The following ERBB4 variants were observed in gnomAD, a reference collection of about 807,000 sequenced individuals.
The protein encoded by ERBB4 is erb-b2 receptor tyrosine kinase 4.
ERBB4 carries 42 observed loss-of-function variants against 158.0 expected under a neutral mutation model. The ratio of observed to expected loss-of-function variants is 0.27; its 90% confidence interval spans 0.21 to 0.34. ERBB4 has a LOEUF of 0.34. ERBB4 is among the 10% of genes least tolerant of loss of function. The probability of loss-of-function intolerance (pLI) is 1.00; values close to 1 mark genes in which losing one functional copy is unlikely to be tolerated. For missense variants in ERBB4, 1,333 were observed against 1,624.1 expected (o/e 0.82, Z 3.08); for synonymous variants, 583 against 558.7 (o/e 1.04, Z -0.61).
intron 4 of ERBB4, chr2:211,779,477 A>G (rs1036491242): frequency 6.6e-6 from 1 of 152,138 alleles, no homozygotes; most frequent in African/African-American, 2.4e-5. Flanking sequence ...CTTCACCATT[A>G]TATTCATAGG....
intron 1 of ERBB4, among the ~76,000 whole-genome samples, chr2:212,341,567 T>C (rs1248184545): frequency 6.6e-6 from 1 of 151,894 alleles, no homozygotes; most frequent in Non-Finnish European, 1.5e-5. Context: ...TTCAATAATA[T>C]GAGGGATAGA....
At chr2:212,217,414 C>A (rs2083135758) in intron 1 of ERBB4, among the ~76,000 whole-genome samples, 1 of 150,914 alleles carries the variant, frequency 6.6e-6, no homozygotes, top group African/African-American at 2.4e-5. Context: ...TTGAGCAAGG[C>A]ATTTTATATT....
chr2:212,167,758 C>A (rs996719050), intron 1 of ERBB4, among the ~76,000 whole-genome samples: 1 of 151,984 alleles, frequency 6.6e-6, no homozygotes, highest in Non-Finnish European at 1.5e-5. Context: ...TACTATGCAG[C>A]CATAAAAAAG....
At position 211,407,672 on chromosome 2, in the gene ERBB4, G is replaced by A. The variant is rs555068260; in HGVS notation, c.3135+12769C>T. On this transcript the variant is annotated intron_variant, in intron 25 of 27. Coordinates refer to ENST00000342788, the MANE Select transcript of ERBB4 (RefSeq NM_005235.3). ...AATTCAGCTTTTGCTCAAGTGTAAT[G>A]AGAGGCTGGTCCACAGCCATTCATT... Among the ~76,000 whole-genome samples the A allele has an allele frequency of 3.3e-5, 5 of 152,298 alleles. No individual in the cohort carries two copies. In the South Asian group the frequency reaches 1.0e-3, roughly 32 times the overall value.
intron 2 of ERBB4, among the ~76,000 whole-genome samples, chr2:212,023,501 T>C (rs2076702764): frequency 1.2e-5 from 1 of 81,992 alleles, no homozygotes; most frequent in Non-Finnish European, 2.9e-5. Context: ...AATAAAAGCG[T>C]TTATACAAGT....
intron 1 of ERBB4, among the ~76,000 whole-genome samples, chr2:212,448,966 C>CA (rs2092405811): frequency 6.6e-6 from 1 of 152,096 alleles, no homozygotes; most frequent in South Asian, 2.1e-4. Context: ...TTCATTGCCT[C>CA]AAACTTTTCT....
intron 2 of ERBB4, among the ~76,000 whole-genome samples, chr2:212,001,313 A>T (rs915963474): frequency 2.0e-5 from 3 of 152,072 alleles, no homozygotes; most frequent in Non-Finnish European, 4.4e-5. Context: ...AAGTTTAGCT[A>T]TGTAGTTTTA....
At chr2:212,146,490 T>C (rs1156432894) in intron 1 of ERBB4, among the ~76,000 whole-genome samples, 8 of 152,290 alleles carry the variant, frequency 5.3e-5, no homozygotes, top group Non-Finnish European at 7.4e-5. Flanking sequence ...TTGTGCACTA[T>C]TTCTTCTCCT....
At chr2:211,578,684 AC>A (rs1484635268) in intron 19 of ERBB4, among the ~76,000 whole-genome samples, 1 of 152,194 alleles carries the variant, frequency 6.6e-6, no homozygotes, top group African/African-American at 2.4e-5. Context: ...TAAACAGCTG[AC>A]AACAAGAAGC....
At position 211,911,821 on chromosome 2, in the gene ERBB4, C is replaced by CTT. The variant is rs201039133; in HGVS notation, c.421+35607_421+35608dup. On this transcript the variant is annotated intron_variant, in intron 3 of 27. Transcript: ENST00000342788. The stretch of plus-strand genomic sequence containing the variant: ...TAGACAGGAGAGGTTTTATTCTTTT[C>CTT]TTTTTTTTTTTTTTGAGTTCTGTTG... Among the ~76,000 whole-genome samples, 414 of 137,300 alleles carry CTT rather than the reference C, an allele frequency of 3.0e-3. 2 individuals are homozygous for CTT. Among genetic ancestry groups the CTT allele is most frequent in the African/African-American group, 9.7e-3 (368 of 38,106 alleles). The allele number at this position is 137,300 out of a possible 152,430, so 90.1% of individuals were successfully genotyped here. A position where few individuals can be genotyped will look rare whatever the true frequency, so the allele number is the denominator to read the frequency against.
intron 11 of ERBB4, among the ~76,000 whole-genome samples, chr2:211,702,514 A>G (rs2073290911): frequency 6.6e-6 from 1 of 152,200 alleles, no homozygotes; most frequent in Non-Finnish European, 1.5e-5. Flanking sequence ...AAGTGTTTAT[A>G]AAACAATTGT....
At chr2:212,520,566 T>C (rs113139165) in intron 1 of ERBB4, among the ~76,000 whole-genome samples, 1,746 of 152,064 alleles carry the variant, frequency 0.011, 14 homozygotes, top group Middle Eastern at 0.034. Context: ...GATAATGACA[T>C]GTGGTGGAGC....
chr2:211,626,955 A>AT (rs1325242351), intron 17 of ERBB4, among the ~76,000 whole-genome samples: 61 of 33,526 alleles, frequency 1.8e-3, no homozygotes, highest in African/African-American at 4.2e-3. Flanking sequence ...AATAAAAAAA[A>AT]TAAAAAAAAA....
At chr2:211,766,119 T>C (rs939559350) in intron 4 of ERBB4, among the ~76,000 whole-genome samples, 1 of 152,248 alleles carries the variant, frequency 6.6e-6, no homozygotes, top group East Asian at 1.9e-4. Context: ...TGTCACTGCA[T>C]AATTTTCTCT....
At chr2:212,468,603 G>C (rs536899951) in intron 1 of ERBB4, among the ~76,000 whole-genome samples, 5 of 152,198 alleles carry the variant, frequency 3.3e-5, no homozygotes, top group Admixed American at 6.5e-5. Context: ...TTTGTAAATT[G>C]TCCCGTCTCA....
intron 20 of ERBB4, among the ~76,000 whole-genome samples, chr2:211,547,778 G>A (rs1351578368): frequency 4.6e-5 from 7 of 151,840 alleles, no homozygotes; most frequent in East Asian, 3.9e-4. Flanking sequence ...AAAAAGTACC[G>A]TAAAAGTACT....
chr2:211,507,373 A>C (rs1175708768), intron 20 of ERBB4, among the ~76,000 whole-genome samples: 2 of 152,004 alleles, frequency 1.3e-5, no homozygotes, highest in African/African-American at 4.8e-5. Context: ...AACAAATAAA[A>C]CCCTGAAACC....
rs559490429 is a variant in ERBB4, at chr2:211,633,373, T to C, written c.1947-2779A>G. Among the ~76,000 whole-genome samples, 60 of 151,992 alleles carry C rather than the reference T, an allele frequency of 3.9e-4. 2 individuals are homozygous for C. In the South Asian group the frequency reaches 5.8e-3, roughly 15 times the overall value. On this transcript the variant is annotated intron_variant, in intron 16 of 27. Coordinates refer to ENST00000342788, the MANE Select transcript of ERBB4 (RefSeq NM_005235.3). Reference sequence around the variant, plus strand: ...ACATATTCATATATGTCTACAAATATATCCTCAGATGCATAGATCTGGAAT... The same window carrying C: ...ACATATTCATATATGTCTACAAATACATCCTCAGATGCATAGATCTGGAAT...
At chr2:211,925,122 G>C (rs922556570) in intron 3 of ERBB4, among the ~76,000 whole-genome samples, 3 of 152,112 alleles carry the variant, frequency 2.0e-5, no homozygotes. Context: ...ACTATAGTTG[G>C]AGACAATTTG....
Sources: allele counts gnomAD v4.1 joint callset (sites outside exome capture counted in the v4.1 genomes callset), GRCh38; gene constraint gnomAD v4.1.1; transcripts MANE v1.5; gene names NCBI Gene and HGNC (gene_info 2026-07-23, HGNC 2026-07-21).